The following PCYT1B variants were observed in gnomAD, a reference collection of about 807,000 sequenced individuals.
PCYT1B encodes choline-phosphate cytidylyltransferase B.
A neutral mutation model predicts 26.4 loss-of-function variants in PCYT1B; 10 were observed. That is an observed-to-expected ratio of 0.38 (90% CI 0.23 to 0.64). The LOEUF (loss-of-function observed/expected upper bound fraction) is 0.64. Ranked by LOEUF, PCYT1B falls within the 30% of genes least tolerant of loss-of-function variation. The pLI is 0.56. For missense variants in PCYT1B, 161 were observed against 292.7 expected (o/e 0.55, Z 3.28); for synonymous variants, 131 against 108.4 (o/e 1.21, Z -1.29).
At chrX:24,660,049 A>T (rs1156865070) in intron 1 of PCYT1B, among the ~76,000 whole-genome samples, 1 of 111,554 alleles carries the variant, frequency 9.0e-6, no homozygotes, top group African/African-American at 3.3e-5. Flanking sequence ...TTTCAAAAAC[A>T]CTGAGGGCTG....
At chrX:24,619,906 T>TCACTCTCTC (rs1925646199) in intron 1 of PCYT1B, among the ~76,000 whole-genome samples, 1 of 111,832 alleles carries the variant, frequency 8.9e-6, no homozygotes, top group Non-Finnish European at 1.9e-5. Context: ...AATGAAAACC[T>TCACTCTCTC]CACTCTCTCC....
At chrX:24,664,831 G>A (rs1294742881) in intron 1 of PCYT1B, among the ~76,000 whole-genome samples, 1 of 111,587 alleles carries the variant, frequency 9.0e-6, no homozygotes, top group Non-Finnish European at 1.9e-5. Flanking sequence ...GGTGGCGCAC[G>A]CCTGTGGTCC....
At chrX:24,656,263 A>T (rs1437536996) in intron 1 of PCYT1B, among the ~76,000 whole-genome samples, 2 of 105,364 alleles carry the variant, frequency 1.9e-5, no homozygotes, top group Non-Finnish European at 3.9e-5. Context: ...ACAGAATGAA[A>T]GTGCTTTGTT....
Position 24,561,662 on chromosome X carries a change from A to C in PCYT1B, c.*631T>G, listed in dbSNP as rs41303159. On this transcript the variant is annotated 3_prime_UTR_variant, in exon 8 of 8. Transcript: ENST00000379144. ...TCTTGACAAAACTGTCCTTTGAATA[A>C]AAAGTTAAGGTTCACACTAGATGAC... 0.012 allele frequency: 1,607 copies of C among 129,095 alleles called. 13 individuals carry two copies. Among genetic ancestry groups the C allele is most frequent in the Non-Finnish European group, 0.019 (1,196 of 64,270 alleles). 10.6% of individuals were successfully genotyped at this position (129,095 alleles called of 1,213,427 possible). A position where few individuals can be genotyped will look rare whatever the true frequency, so the allele number is the denominator to read the frequency against.
At chrX:24,630,928 C>A (rs191854682) in intron 1 of PCYT1B, among the ~76,000 whole-genome samples, 1 of 110,845 alleles carries the variant, frequency 9.0e-6, no homozygotes, top group Non-Finnish European at 1.9e-5. Context: ...TGTTTGTTTG[C>A]TTGTTTGTTT....
At chrX:24,601,876 T>C (rs1206231678) in intron 3 of PCYT1B, among the ~76,000 whole-genome samples, 1 of 112,336 alleles carries the variant, frequency 8.9e-6, no homozygotes, top group African/African-American at 3.2e-5. Flanking sequence ...CGATCTGCAG[T>C]TGAATGCTCT....
At chrX:24,649,658 T>C (rs1252393168), upstream of PCYT1B, among the ~76,000 whole-genome samples, 1 of 112,017 alleles carries the variant, frequency 8.9e-6, no homozygotes, top group Non-Finnish European at 1.9e-5. Flanking sequence ...CCTTGTGAAC[T>C]CTTGTCCAAG....
At chrX:24,601,051 A>G (rs1344994000) in intron 3 of PCYT1B, among the ~76,000 whole-genome samples, 1 of 112,391 alleles carries the variant, frequency 8.9e-6, no homozygotes, top group Non-Finnish European at 1.9e-5. Context: ...AAGAAAACCC[A>G]GATGGGTTTC....
intron 5 of PCYT1B, among the ~76,000 whole-genome samples, chrX:24,580,876 C>T (rs897025740): frequency 2.7e-5 from 3 of 111,225 alleles, no homozygotes; most frequent in Middle Eastern, 4.2e-3. Context: ...CCTCTGAAGG[C>T]GAGTTACTTA....
intron 1 of PCYT1B, among the ~76,000 whole-genome samples, chrX:24,665,022 G>C (rs1927099402): frequency 9.0e-6 from 1 of 110,965 alleles, no homozygotes; most frequent in Non-Finnish European, 1.9e-5. Context: ...TAAAAGCTAG[G>C]GGACAACATT....
chrX:24,592,338 G>A (rs1228585756), intron 3 of PCYT1B, among the ~76,000 whole-genome samples: 1 of 111,432 alleles, frequency 9.0e-6, no homozygotes, highest in South Asian at 3.8e-4. Context: ...CCCACACCCA[G>A]AATCAAATCT....
At chrX:24,611,007 G>A (rs1766534001) in intron 2 of PCYT1B, among the ~76,000 whole-genome samples, 1 of 112,077 alleles carries the variant, frequency 8.9e-6, no homozygotes, top group Non-Finnish European at 1.9e-5. Context: ...TGAATATTTG[G>A]TGATATCAAG....
intron 2 of PCYT1B, among the ~76,000 whole-genome samples, chrX:24,612,187 T>C (rs369211973): frequency 8.9e-6 from 1 of 112,083 alleles, no homozygotes; most frequent in South Asian, 3.7e-4. Flanking sequence ...CCCCTTGATC[T>C]TACAGTCACA....
intron 1 of PCYT1B, among the ~76,000 whole-genome samples, 192 bp downstream of exon 1, chrX:24,646,797 A>G (rs1207067099): frequency 8.9e-6 from 1 of 111,764 alleles, no homozygotes; most frequent in Non-Finnish European, 1.9e-5. Flanking sequence ...CCAATACAAT[A>G]ACGCTTTGTA....
chrX:24,595,741 G>A (rs753898137), intron 3 of PCYT1B, among the ~76,000 whole-genome samples: 4 of 110,385 alleles, frequency 3.6e-5, no homozygotes, highest in Non-Finnish European at 5.7e-5. Flanking sequence ...TTAGCCGGGC[G>A]TTAGTGGTGC....
chrX:24,652,131 G>A (rs929793608), upstream of PCYT1B, among the ~76,000 whole-genome samples: 2 of 112,429 alleles, frequency 1.8e-5, no homozygotes, highest in African/African-American at 6.5e-5. Context: ...CATGCCTTCT[G>A]TGAGAACTTG....
chrX:24,587,559 T>G (rs1281732145), intron 4 of PCYT1B, among the ~76,000 whole-genome samples: 5 of 112,041 alleles, frequency 4.5e-5, no homozygotes, highest in Non-Finnish European at 9.4e-5. Flanking sequence ...CCCTCTTTCT[T>G]GTCCTACCCC....
chrX:24,630,043 T>G (rs1479231146), intron 1 of PCYT1B, among the ~76,000 whole-genome samples: 1 of 111,673 alleles, frequency 9.0e-6, no homozygotes, highest in Non-Finnish European at 1.9e-5. Context: ...ACTCATTAAA[T>G]GCATAGATGC....
intron 7 of PCYT1B, among the ~76,000 whole-genome samples, chrX:24,566,713 C>A (rs1235458378): frequency 9.0e-6 from 1 of 111,606 alleles, no homozygotes; most frequent in Non-Finnish European, 1.9e-5. Context: ...GCCACAGGCG[C>A]ATCACCAATA....
Sources: allele counts gnomAD v4.1 joint callset (sites outside exome capture counted in the v4.1 genomes callset), GRCh38; gene constraint gnomAD v4.1.1; transcripts MANE v1.5; gene names NCBI Gene and HGNC (gene_info 2026-07-23, HGNC 2026-07-21).